LRP5: variants seen among roughly 807,000 people sequenced by gnomAD.
LRP5 encodes the protein low-density lipoprotein receptor-related protein 5.
In LRP5, 62 loss-of-function variants were observed where a neutral mutation model predicts 154.1. The observed-to-expected ratio is 0.40, with a 90% CI of 0.33 to 0.50. The LOEUF is 0.50. Among genes scored for constraint, LRP5 ranks in the 20% least tolerant of loss-of-function variants. The probability of loss-of-function intolerance (pLI) is 0.55; values close to 1 mark genes in which losing one functional copy is unlikely to be tolerated. For missense variants in LRP5, 1,915 were observed against 2,336.7 expected, an observed-to-expected ratio of 0.82 and a Z score of 3.72; for synonymous variants, 966 against 1,011.5, an observed-to-expected ratio of 0.96 and a Z score of 0.85.
intron 21 of LRP5, among the ~76,000 whole-genome samples, chr11:68,445,888 C>T: frequency 6.6e-6 from 1 of 152,244 alleles, no homozygotes; most frequent in Non-Finnish European, 1.5e-5. Context: ...GCCCCTCCCT[C>T]AGCGTGGTGA....
At position 68,445,962 on chromosome 11, in the gene LRP5, G is replaced by T. The variant is rs368051287; in HGVS notation, c.4489-474G>T. Among the ~76,000 whole-genome samples the T allele has an allele frequency of 2.0e-5, 3 of 152,230 alleles. No homozygotes were observed. The East Asian group carries it at 5.8e-4, about 29-fold the overall frequency. On this transcript the variant is annotated intron_variant, in intron 21 of 22. Transcript: ENST00000294304. ...GAGTGTTCGGAACAAGGGCGTCATT[G>T]CAGGAGTTAGACTGTGTGTGATGGA...
intron 16 of LRP5, 139 bp from the exon 17 acceptor site, chr11:68,429,436 T>C (rs2098670729): frequency 3.0e-6 from 3 of 985,342 alleles, no homozygotes; most frequent in Non-Finnish European, 4.7e-6. Flanking sequence ...GAGGAATAAG[T>C]GGGAGGATCC....
chr11:68,401,909 T>G (rs1486515695), intron 7 of LRP5, among the ~76,000 whole-genome samples: 1 of 152,128 alleles, frequency 6.6e-6, no homozygotes, highest in Non-Finnish European at 1.5e-5. Flanking sequence ...GCCAGGCTGA[T>G]CTCGAACTCC....
chr11:68,389,849 C>G (rs201167265), intron 6 of LRP5, 32 bp from the exon 7 acceptor site: 4 of 1,613,670 alleles, frequency 2.5e-6, no homozygotes, highest in Admixed American at 3.3e-5. Context: ...CAGACAGACT[C>G]ATGGGGTCAT....
intron 1 of LRP5, among the ~76,000 whole-genome samples, chr11:68,320,569 C>A (rs1565314315): frequency 6.6e-6 from 1 of 151,082 alleles, no homozygotes. Flanking sequence ...TCCAGCTGTT[C>A]TCCTGGCTCA....
chr11:68,313,008 C>A (rs1358436389), intron 1 of LRP5, among the ~76,000 whole-genome samples: 2 of 148,086 alleles, frequency 1.4e-5, no homozygotes, highest in African/African-American at 4.9e-5. Context: ...CCCGGGCCCT[C>A]CCCGGGGACG....
intron 8 of LRP5, chr11:68,404,308 G>A (rs1018219087): frequency 2.4e-5 from 13 of 530,858 alleles, no homozygotes; most frequent in South Asian, 9.2e-5. Context: ...GTGTCCTGCC[G>A]GGGTCCCACA....
intron 1 of LRP5, among the ~76,000 whole-genome samples, chr11:68,325,410 G>A (rs2098599092): frequency 6.6e-6 from 1 of 152,180 alleles, no homozygotes; most frequent in Non-Finnish European, 1.5e-5. Flanking sequence ...TGAAGAGGAG[G>A]GGTGGGCCCT....
At chr11:68,394,932 G>A (rs1336786013) in intron 7 of LRP5, among the ~76,000 whole-genome samples, 3 of 152,184 alleles carry the variant, frequency 2.0e-5, no homozygotes. Flanking sequence ...TCACATCCTT[G>A]GCTTTCAAAA....
chr11:68,433,430 G>A (rs576295656), intron 17 of LRP5, among the ~76,000 whole-genome samples, 172 bp from the exon 18 acceptor site: 8 of 152,282 alleles, frequency 5.3e-5, no homozygotes, highest in African/African-American at 1.4e-4. Context: ...GAGGTGGAGC[G>A]GCACACAGGA....
At chr11:68,380,833 C>G (rs1181970715) in intron 5 of LRP5, among the ~76,000 whole-genome samples, 1 of 152,252 alleles carries the variant, frequency 6.6e-6, no homozygotes, top group Non-Finnish European at 1.5e-5. Context: ...TCTGCTCTGC[C>G]TGGCACACTT....
At chr11:68,352,119 G>T (rs533256821) in intron 2 of LRP5, among the ~76,000 whole-genome samples, 12 of 152,134 alleles carry the variant, frequency 7.9e-5, no homozygotes, top group Admixed American at 4.6e-4. Context: ...GGTGGGTGGC[G>T]TGGGGGCAGG....
intron 1 of LRP5, among the ~76,000 whole-genome samples, chr11:68,326,196 A>G (rs988813645): frequency 6.6e-6 from 1 of 152,100 alleles, no homozygotes; most frequent in Admixed American, 6.5e-5. Flanking sequence ...AGGTGCAGGT[A>G]CCTTCGGGTG....
chr11:68,334,506 A>T (rs186388502), intron 1 of LRP5, among the ~76,000 whole-genome samples: 1 of 152,366 alleles, frequency 6.6e-6, no homozygotes, highest in East Asian at 1.9e-4. Context: ...ACCCAGACAC[A>T]TAGCTGAAAC....
chr11:68,392,583 C>G (rs1219098539), intron 7 of LRP5, among the ~76,000 whole-genome samples: 1 of 152,152 alleles, frequency 6.6e-6, no homozygotes, highest in African/African-American at 2.4e-5. Context: ...GTGCAGGTAT[C>G]TCTGCTACTA....
chr11:68,349,893 G>T (rs1457955039), intron 2 of LRP5, among the ~76,000 whole-genome samples: 1 of 152,178 alleles, frequency 6.6e-6, no homozygotes, highest in East Asian at 1.9e-4. Flanking sequence ...GGCCCTTGCT[G>T]ACCTGTCAGG....
chr11:68,414,334 G>A (rs116355827), intron 12 of LRP5, among the ~76,000 whole-genome samples: 51 of 152,286 alleles, frequency 3.3e-4, no homozygotes, highest in East Asian at 1.5e-3. Flanking sequence ...TTTCCATAGC[G>A]CTCGTTTACT....
chr11:68,343,878 G>C (rs1237723909), intron 1 of LRP5, among the ~76,000 whole-genome samples: 1 of 152,084 alleles, frequency 6.6e-6, no homozygotes, highest in South Asian at 2.1e-4. Flanking sequence ...CTGGTAGCGG[G>C]TGCTGCACTC....
rs1166565212 is a variant in LRP5, at chr11:68,423,086, A to T, written c.3028-403A>T. Reference sequence around the variant, plus strand: ...GTTGGGAAGGGCCCCATGGTCTTGGATCCCTTCTCGACTGTCAATGGGGCC... The same window carrying T: ...GTTGGGAAGGGCCCCATGGTCTTGGTTCCCTTCTCGACTGTCAATGGGGCC... On this transcript the variant is annotated intron_variant, in intron 13 of 22. Transcript: ENST00000294304. The surrounding 1 kb of genome is among the most constrained non-coding windows in gnomAD (Gnocchi z 4.7). 6.6e-6 allele frequency among the ~76,000 whole-genome samples: 1 copy of T among 152,076 alleles called. No homozygotes were observed. The highest frequency in any genetic ancestry group is 6.5e-5 in the Admixed American group (1 of 15,282).
Sources: allele counts gnomAD v4.1 joint callset (sites outside exome capture counted in the v4.1 genomes callset), GRCh38; gene constraint gnomAD v4.1.1; non-coding constraint Gnocchi (gnomAD v3.1); transcripts MANE v1.5; gene names NCBI Gene and HGNC (gene_info 2026-07-23, HGNC 2026-07-21).